SERPINB3: variants seen among roughly 807,000 people sequenced by gnomAD.
SERPINB3 encodes the protein serpin family B member 3.
SERPINB3 carries 33 observed loss-of-function variants against 33.0 expected under a neutral mutation model. That is an observed-to-expected ratio of 1.00 (90% CI 0.76 to 1.34). The LOEUF is 1.34. Ranked by LOEUF, SERPINB3 falls within the 40% of genes most tolerant of loss-of-function variation. SERPINB3 has a pLI of 0.00. For synonymous variants in SERPINB3, 200 were observed against 170.9 expected, an observed-to-expected ratio of 1.17 and a Z score of -1.33; for missense variants, 518 against 461.5, an observed-to-expected ratio of 1.12 and a Z score of -1.12.
chr18:63,658,419 CA>C lies in SERPINB3; in HGVS notation c.469+93del, dbSNP rs533145271. On this transcript the variant is annotated intron_variant, in intron 5 of 7. Transcript: ENST00000283752. ...TTCTTCCCTCCCTGCAAAGCCATCT[CA>C]ATTCCCACCCATGGTCCCCCATGCA... 1,095 of 1,061,832 alleles carry C rather than the reference CA, an allele frequency of 1.0e-3. 12 individuals carry two copies. The African/African-American group carries it at 0.015, about 15-fold the overall frequency. 65.8% of individuals were successfully genotyped at this position (1,061,832 alleles called of 1,614,324 possible).
Position 63,661,223 on chromosome 18 carries a change from C to T in SERPINB3, c.-7G>A, listed in dbSNP as rs1913637282. 1 of 1,612,734 alleles carries T rather than the reference C, an allele frequency of 6.2e-7. No homozygotes were observed. Among genetic ancestry groups the T allele is most frequent in the African/African-American group, 1.3e-5 (1 of 74,838 alleles). On this transcript the variant is annotated 5_prime_UTR_variant, in exon 2 of 8. Coordinates refer to ENST00000283752, the MANE Select transcript of SERPINB3 (RefSeq NM_006919.3). ...CTTCACTGAGTGAATTCATGGTGAA[C>T]TCGATGTGATCTGGAACTCCTGGAA...
chr18:63,658,685 A>G (rs1913562385), intron 4 of SERPINB3, 55 bp from the exon 5 acceptor site: 1 of 1,343,478 alleles, frequency 7.4e-7, no homozygotes, highest in Non-Finnish European at 1.1e-6. Context: ...GTAACTATAT[A>G]TTACCAAATT....
At chr18:63,657,640 C>A (rs961527507) in intron 5 of SERPINB3, among the ~76,000 whole-genome samples, 7 of 152,098 alleles carry the variant, frequency 4.6e-5, no homozygotes, top group African/African-American at 1.7e-4. Flanking sequence ...GACATCACTT[C>A]TTGTGATAGA....
chr18:63,661,295 T>C, intron 1 of SERPINB3, 53 bp from the exon 2 acceptor site: 1 of 1,503,582 alleles, frequency 6.7e-7, no homozygotes. Flanking sequence ...GGAATGGTAT[T>C]TTGTAGTACA....
At chr18:63,660,400 C>G (rs1371416990) in intron 3 of SERPINB3, among the ~76,000 whole-genome samples, 3 of 151,940 alleles carry the variant, frequency 2.0e-5, no homozygotes, top group Admixed American at 2.0e-4. Context: ...TTTATTATGA[C>G]ATTTTATGGG....
intron 3 of SERPINB3, 50 bp downstream of exon 3, chr18:63,660,750 T>C: frequency 6.2e-7 from 1 of 1,611,840 alleles, no homozygotes; most frequent in South Asian, 1.1e-5. Context: ...AGGTTCAAAC[T>C]ATGACCTGTT....
chr18:63,661,011 G>A (rs1237993178), intron 2 of SERPINB3, 41 bp downstream of exon 2: 1 of 1,612,012 alleles, frequency 6.2e-7, no homozygotes. Context: ...CGGAACCAGA[G>A]AAAAACTGCA....
intron 7 of SERPINB3, 91 bp from the exon 8 acceptor site, chr18:63,656,152 T>C (rs1740649825): frequency 2.1e-6 from 3 of 1,452,768 alleles, no homozygotes; most frequent in Admixed American, 2.4e-5. Flanking sequence ...AATCCTTATT[T>C]TGGCAACAAA....
rs1321307048 is a variant in SERPINB3, at chr18:63,656,876, TA to T, written c.722del (p.Leu241GlnfsTer3). ...CATTTGGCAGCAACACAATCATGCTTAGATCTTTGCCTTTGTATGGTATTTC... is the reference window on the plus strand; with the variant it reads ...CATTTGGCAGCAACACAATCATGCTTGATCTTTGCCTTTGTATGGTATTTC... Reference protein sequence around the residue: ...VLEIPYKGKDLSMIVLLPNEI... With the variant: ...VLEIPYKGKDXSMIVLLPNEI... On this transcript the variant is annotated frameshift_variant, in exon 7 of 8. Transcript: ENST00000283752. LOFTEE classifies it low-confidence loss of function (END_TRUNC). 5.8e-5 allele frequency: 93 copies of T among 1,613,444 alleles called. No homozygotes were observed. Among genetic ancestry groups the T allele is most frequent in the Non-Finnish European group, 7.7e-5 (91 of 1,179,540 alleles).
chr18:63,658,026 A>T (rs1469447422), intron 5 of SERPINB3, among the ~76,000 whole-genome samples: 4 of 151,842 alleles, frequency 2.6e-5, no homozygotes, highest in Admixed American at 1.3e-4. Flanking sequence ...TGGGGAAGAG[A>T]GCTGTGATAA....
chr18:63,660,174 C>T (rs1216885206), intron 3 of SERPINB3, among the ~76,000 whole-genome samples: 1 of 152,136 alleles, frequency 6.6e-6, no homozygotes, highest in Non-Finnish European at 1.5e-5. Context: ...ACGTTTTGAA[C>T]CTAAGCCTGT....
rs773719131 is a variant in SERPINB3, at chr18:63,656,970, A to G, written c.629T>C (p.Ile210Thr). The G allele has an allele frequency of 6.8e-6, 11 of 1,609,796 alleles. No homozygotes were observed. The highest frequency in any genetic ancestry group is 9.3e-6 in the Non-Finnish European group (11 of 1,177,300). Residue 210 changes from isoleucine to threonine, a missense_variant, in exon 7 of 8, where the codon ATA (isoleucine) becomes ACA (threonine). Transcript: ENST00000283752. Reference protein sequence around the residue: ...FWPNKNTYKSIQMMRQYTSFH... With the variant: ...FWPNKNTYKSTQMMRQYTSFH... Reference sequence around the variant, plus strand: ...AGATGTGTATTGCCTCATCATCTGTATGGACTTGTATGTATTCTACAATAA... The same window carrying G: ...AGATGTGTATTGCCTCATCATCTGTGTGGACTTGTATGTATTCTACAATAA...
At position 63,657,280 on chromosome 18, in the gene SERPINB3, C is replaced by A; in HGVS notation, c.602G>T (p.Trp201Leu). The A allele has an allele frequency of 1.3e-6, 2 of 1,570,714 alleles. No individual in the cohort carries two copies. The highest frequency in any genetic ancestry group is 1.7e-6 in the Non-Finnish European group (2 of 1,151,440). Residue 201 changes from tryptophan (W) to leucine (L), a missense_variant, in exon 6 of 8, where the codon TGG (tryptophan) becomes TTG (leucine). Coordinates refer to ENST00000283752, the MANE Select transcript of SERPINB3 (RefSeq NM_006919.3). ...AAATATAGACAATACCTTGTTTGGC[C>A]AAAATTTTTCCTCTTTAGTATCTTC... ...NKEDTKEEKF[W>L]PNKNTYKSIQ...
Position 63,656,978 on chromosome 18 carries a change from G to C in SERPINB3, c.621C>G (p.Tyr207Ter). The C allele has an allele frequency of 6.2e-7, 1 of 1,605,170 alleles. No individual in the cohort carries two copies. Among genetic ancestry groups the C allele is most frequent in the Non-Finnish European group, 8.5e-7 (1 of 1,174,326 alleles). ...ATTGCCTCATCATCTGTATGGACTT[G>C]TATGTATTCTACAATAAATCAATGT... ...EEKFWPNKNT[Y>*]KSIQMMRQYT... Residue 207 changes from tyrosine (Y) to a stop codon, truncating the protein, a stop_gained, in exon 7 of 8, where the codon TAC becomes TAG. Transcript: ENST00000283752. LOFTEE classifies it high-confidence loss of function.
intron 4 of SERPINB3, among the ~76,000 whole-genome samples, chr18:63,659,108 G>A (rs943647974): frequency 2.6e-5 from 4 of 152,048 alleles, no homozygotes; most frequent in Non-Finnish European, 4.4e-5. Context: ...ATGTGACTGA[G>A]TCAGTGCCAG....
intron 6 of SERPINB3, 51 bp from the exon 7 acceptor site, chr18:63,657,037 A>C (rs773136998): frequency 6.7e-7 from 1 of 1,489,116 alleles, no homozygotes; most frequent in East Asian, 2.3e-5. Flanking sequence ...ACAAGGCAAA[A>C]AGATAATATT....
intron 6 of SERPINB3, 79 bp from the exon 7 acceptor site, chr18:63,657,065 T>C (rs904452090): frequency 3.5e-5 from 44 of 1,261,446 alleles, no homozygotes; most frequent in Non-Finnish European, 4.6e-5. Flanking sequence ...TATCAACACA[T>C]CCTTCTTTTA....
intron 5 of SERPINB3, among the ~76,000 whole-genome samples, chr18:63,657,639 T>A (rs1913532663): frequency 6.6e-6 from 1 of 152,140 alleles, no homozygotes; most frequent in Non-Finnish European, 1.5e-5. Flanking sequence ...AGACATCACT[T>A]CTTGTGATAG....
chr18:63,656,734 G>T (rs1037503620), intron 7 of SERPINB3, 97 bp downstream of exon 7: 5 of 1,388,812 alleles, frequency 3.6e-6, no homozygotes, highest in Non-Finnish European at 4.8e-6. Flanking sequence ...TCATTATTTT[G>T]AGGCAACTCG....
Sources: allele counts gnomAD v4.1 joint callset (sites outside exome capture counted in the v4.1 genomes callset), GRCh38; gene constraint gnomAD v4.1.1; transcripts MANE v1.5; gene names NCBI Gene and HGNC (gene_info 2026-07-23, HGNC 2026-07-21).